Variants in ANO10 observed in about 807,000 individuals in gnomAD.
ANO10 encodes the protein anoctamin-10.
In ANO10, 77 loss-of-function variants were observed where a neutral mutation model predicts 74.7. The ratio of observed to expected loss-of-function variants is 1.03; its 90% CI spans 0.86 to 1.25. ANO10 has a LOEUF of 1.25. Ranked by LOEUF, ANO10 falls within the 50% of genes most tolerant of loss-of-function variation. The probability of loss-of-function intolerance (pLI) is 0.00; values close to 1 mark genes in which losing one functional copy is unlikely to be tolerated. For missense variants in ANO10, 721 were observed against 778.1 expected (o/e 0.93, Z 0.87); for synonymous variants, 279 against 284.9 (o/e 0.98, Z 0.21).
Position 43,679,146 on chromosome 3 carries a change from G to A in ANO10, c.-12+12371C>T, listed in dbSNP as rs546190460. ...GTGAGCCGAAGCAGGGCGAGGCATC[G>A]CCTCACCTGGGAAGCGCAAGGGGTC... On this transcript the variant is annotated intron_variant, in intron 1 of 3. Coordinates refer to the ANO10 transcript ENST00000413397. Among the ~76,000 whole-genome samples the A allele has an allele frequency of 6.4e-4, 98 of 152,308 alleles. 1 individual carries two copies. Among genetic ancestry groups the A allele is most frequent in the African/African-American group, 2.1e-3 (86 of 41,572 alleles).
Position 43,452,663 on chromosome 3 carries a change from C to A in ANO10, c.1798-19936G>T, listed in dbSNP as rs565863256. On this transcript the variant is annotated intron_variant, in intron 11 of 12. Transcript: ENST00000292246. ...ATTAATGTGCAAGTTTTTGTGCAGACATGTGTTTTAATTTCACTTGGGTAT... is the reference window on the plus strand; with the variant it reads ...ATTAATGTGCAAGTTTTTGTGCAGAAATGTGTTTTAATTTCACTTGGGTAT... Among the ~76,000 whole-genome samples, 18 of 152,284 alleles carry A rather than the reference C, an allele frequency of 1.2e-4. 1 individual carries two copies. The South Asian group carries it at 2.9e-3, about 25-fold the overall frequency.
chr3:43,614,256 C>T (rs527785865), intron 1 of ANO10, among the ~76,000 whole-genome samples: 120 of 152,212 alleles, frequency 7.9e-4, no homozygotes, highest in Non-Finnish European at 1.4e-3. Context: ...AGCAGGTTTC[C>T]ATTCTAAACA....
intron 1 of ANO10, among the ~76,000 whole-genome samples, chr3:43,675,582 A>T (rs1485634064): frequency 3.9e-5 from 6 of 151,912 alleles, no homozygotes; most frequent in African/African-American, 1.5e-4. Context: ...CTCATTTTGA[A>T]AATGATATAC....
intron 10 of ANO10, among the ~76,000 whole-genome samples, chr3:43,552,726 A>ATATATATATGTATG (rs1553710721): frequency 1.0e-5 from 1 of 95,602 alleles, no homozygotes; most frequent in Non-Finnish European, 2.1e-5. Flanking sequence ...ATATATATAT[A>ATATATATATGTATG]TATGTATGTA....
chr3:43,404,117 A>G (rs2092532365), intron 12 of ANO10, among the ~76,000 whole-genome samples: 1 of 152,202 alleles, frequency 6.6e-6, no homozygotes, highest in South Asian at 2.1e-4. Context: ...GATTATCCAT[A>G]GTGGGCCAGA....
chr3:43,565,885 G>C (rs571373282), intron 7 of ANO10, among the ~76,000 whole-genome samples, 158 bp from the exon 8 acceptor site: 1 of 152,194 alleles, frequency 6.6e-6, no homozygotes, highest in Non-Finnish European at 1.5e-5. Context: ...CCTGAGCGAC[G>C]CAGAAGACGG....
chr3:43,498,353 C>T (rs2076986270), intron 11 of ANO10, among the ~76,000 whole-genome samples: 1 of 152,244 alleles, frequency 6.6e-6, no homozygotes, highest in East Asian at 1.9e-4. Flanking sequence ...GCCAACTGCC[C>T]TCCACCCCTG....
chr3:43,426,315 CAG>C (rs2092899726), intron 12 of ANO10, among the ~76,000 whole-genome samples: 1 of 152,194 alleles, frequency 6.6e-6, no homozygotes, highest in African/African-American at 2.4e-5. Flanking sequence ...AAATATCTTA[CAG>C]AGTTTGGTTT....
intron 1 of ANO10, among the ~76,000 whole-genome samples, chr3:43,663,183 G>T (rs2083946662): frequency 6.6e-6 from 1 of 152,152 alleles, no homozygotes; most frequent in Non-Finnish European, 1.5e-5. Context: ...ACATCAAAAA[G>T]CTTATCCACC....
At chr3:43,579,736 CAAAAACAA>C (rs2081181040) in intron 5 of ANO10, among the ~76,000 whole-genome samples, 1 of 151,946 alleles carries the variant, frequency 6.6e-6, no homozygotes. Context: ...AAAACTAAAA[CAAAAACAA>C]AAAAACTTGT....
intron 9 of ANO10, among the ~76,000 whole-genome samples, chr3:43,556,987 A>G (rs541428885): frequency 1.3e-5 from 2 of 152,318 alleles, no homozygotes; most frequent in African/African-American, 4.8e-5. Context: ...AAATAACAGG[A>G]GAGTTCAGCA....
intron 9 of ANO10, among the ~76,000 whole-genome samples, chr3:43,559,868 C>T (rs187326714): frequency 6.6e-6 from 1 of 152,342 alleles, no homozygotes; most frequent in East Asian, 1.9e-4. Flanking sequence ...CTTGTGCCCA[C>T]ATGCTCCTTC....
At chr3:43,457,814 A>T (rs1225950285) in intron 11 of ANO10, among the ~76,000 whole-genome samples, 1 of 152,192 alleles carries the variant, frequency 6.6e-6, no homozygotes, top group Non-Finnish European at 1.5e-5. Context: ...CAAATTAACT[A>T]ATGTGTTCTG....
At chr3:43,628,153 C>T (rs1021396950) in intron 1 of ANO10, among the ~76,000 whole-genome samples, 1 of 152,150 alleles carries the variant, frequency 6.6e-6, no homozygotes, top group Non-Finnish European at 1.5e-5. Context: ...TTGGTGTTTA[C>T]TCAGCAAGGA....
At chr3:43,652,114 G>A (rs984829284) in intron 1 of ANO10, among the ~76,000 whole-genome samples, 4 of 138,348 alleles carry the variant, frequency 2.9e-5, no homozygotes, top group Non-Finnish European at 4.7e-5. Context: ...AATCTTGGCC[G>A]CCTTTTTTTT....
intron 7 of ANO10, among the ~76,000 whole-genome samples, chr3:43,571,361 T>C (rs1436232106): frequency 2.0e-5 from 3 of 152,040 alleles, no homozygotes; most frequent in Non-Finnish European, 4.4e-5. Context: ...CTATAAATCA[T>C]GCTGCTATAA....
In ANO10 at chr3:43,600,413, C is replaced by T. The variant is rs370365121; in HGVS notation, c.308G>A (p.Arg103Lys). The T allele has an allele frequency of 5.6e-5, 90 of 1,613,950 alleles. No individual in the cohort carries two copies. In the Admixed American group the frequency reaches 6.3e-4, roughly 11 times the overall value. ...AAAACCTTTGAAGTTCTGTCTGGTT[C>T]TGTATGTGAAGGCTCTCATGGTGTT... ...NDNTMRAFTY[R>K]TRQNFKGFDD... The change falls in exon 3 of 13, where the codon AGA becomes AAA. Residue 103 changes from arginine to lysine, a missense_variant. By Grantham distance (26) the Arg-to-Lys change is conservative (BLOSUM62 2). Transcript: ENST00000292246.
chr3:43,614,216 A>C (rs1398772567), intron 1 of ANO10, among the ~76,000 whole-genome samples: 1 of 152,248 alleles, frequency 6.6e-6, no homozygotes, highest in African/African-American at 2.4e-5. Flanking sequence ...TAATAACCAG[A>C]TCATAAAACA....
intron 1 of ANO10, among the ~76,000 whole-genome samples, chr3:43,646,974 C>A (rs550209192): frequency 6.6e-6 from 1 of 151,970 alleles, no homozygotes; most frequent in Non-Finnish European, 1.5e-5. Flanking sequence ...TTGTGAAAAG[C>A]GGGAAAGAAA....
Sources: gnomAD v4.1 joint callset for allele counts (sites outside exome capture counted in the v4.1 genomes callset) on GRCh38, gnomAD v4.1.1 for gene constraint, MANE v1.5 for transcripts, NCBI Gene and HGNC (gene_info 2026-07-23, HGNC 2026-07-21) for gene names.